The following NKAIN3 variants were observed in gnomAD, a reference collection of about 807,000 sequenced individuals.
NKAIN3 encodes sodium/potassium transporting ATPase interacting 3, also known as sodium/potassium-transporting ATPase subunit beta-1-interacting protein 3.
A neutral mutation model predicts 30.2 loss-of-function variants in NKAIN3; 25 were observed. The observed-to-expected ratio is 0.83, with a 90% CI of 0.60 to 1.16. The LOEUF is 1.16. Ranked by LOEUF, NKAIN3 falls within the 50% of genes most tolerant of loss-of-function variation. The pLI is 0.00. For missense variants in NKAIN3, 225 were observed against 254.1 expected, an observed-to-expected ratio of 0.89 and a Z score of 0.78; for synonymous variants, 91 against 89.6, an observed-to-expected ratio of 1.02 and a Z score of -0.09.
intron 3 of NKAIN3, among the ~76,000 whole-genome samples, chr8:62,679,482 A>G (rs1813584560): frequency 6.6e-6 from 1 of 152,176 alleles, no homozygotes; most frequent in African/African-American, 2.4e-5. Context: ...GTATTAGTCC[A>G]TTCTCGAACT....
chr8:62,736,884 A>G (rs548776831), intron 3 of NKAIN3, among the ~76,000 whole-genome samples: 5 of 152,148 alleles, frequency 3.3e-5, no homozygotes, highest in African/African-American at 7.2e-5. Flanking sequence ...GCTTCTCTCA[A>G]TGCTTCCTCT....
intron 4 of NKAIN3, among the ~76,000 whole-genome samples, chr8:62,763,072 C>G (rs965219709): frequency 6.0e-5 from 9 of 150,718 alleles, no homozygotes; most frequent in Admixed American, 6.0e-4. Flanking sequence ...AATACAAAAA[C>G]TAGCCGGGCA....
chr8:62,321,601 C>T (rs1814913384), intron 1 of NKAIN3, among the ~76,000 whole-genome samples: 1 of 152,238 alleles, frequency 6.6e-6, no homozygotes, highest in Admixed American at 6.5e-5. Context: ...CCACTCCAGA[C>T]CCTGTTTGCC....
downstream of NKAIN3, among the ~76,000 whole-genome samples, chr8:62,986,602 A>C (rs774491043): frequency 1.3e-5 from 2 of 152,162 alleles, no homozygotes; most frequent in African/African-American, 4.8e-5. Context: ...AGACTAGTAT[A>C]TATTATTTTT....
intron 4 of NKAIN3, chr8:62,863,549 C>T (rs1375731381): frequency 1.6e-6 from 2 of 1,212,882 alleles, no homozygotes; most frequent in African/African-American, 1.5e-5. Context: ...GAGATGGTGG[C>T]CAAGTACTCC....
intron 4 of NKAIN3, among the ~76,000 whole-genome samples, chr8:62,830,774 C>A (rs1819172501): frequency 6.6e-6 from 1 of 152,160 alleles, no homozygotes; most frequent in South Asian, 2.1e-4. Flanking sequence ...CCCCACCACC[C>A]ATGCAGAGAA....
chr8:62,626,115 C>T (rs1019835496), intron 3 of NKAIN3, among the ~76,000 whole-genome samples: 2 of 152,040 alleles, frequency 1.3e-5, no homozygotes, highest in East Asian at 1.9e-4. Flanking sequence ...TTTCTAAGCA[C>T]TCTCTCCTCA....
At chr8:62,249,199 G>C (rs889507193) in intron 1 of NKAIN3, 72 bp downstream of exon 1, 3 of 1,308,342 alleles carry the variant, frequency 2.3e-6, no homozygotes, top group Admixed American at 2.3e-5. Context: ...CTCCCTCTGC[G>C]GTTCCGCAGC....
intron 1 of NKAIN3, among the ~76,000 whole-genome samples, chr8:62,496,073 T>C (rs1807227933): frequency 6.6e-6 from 1 of 152,158 alleles, no homozygotes; most frequent in Non-Finnish European, 1.5e-5. Flanking sequence ...GTTAGATACT[T>C]TTATTAAGAT....
At chr8:62,401,095 A>G (rs146488252) in intron 1 of NKAIN3, among the ~76,000 whole-genome samples, 111 of 149,548 alleles carry the variant, frequency 7.4e-4, no homozygotes, top group Non-Finnish European at 3.3e-4. Context: ...TATCTTCCAG[A>G]TCTTGCATGC....
chr8:62,299,801 A>G (rs1238537803), intron 1 of NKAIN3, among the ~76,000 whole-genome samples: 1 of 152,160 alleles, frequency 6.6e-6, no homozygotes, highest in East Asian at 1.9e-4. Context: ...ACAATATGTG[A>G]ACACGGAAAG....
chr8:62,666,350 G>A (rs1311162609), intron 3 of NKAIN3, among the ~76,000 whole-genome samples: 1 of 152,094 alleles, frequency 6.6e-6, no homozygotes, highest in Non-Finnish European at 1.5e-5. Context: ...CTTTTTCAAA[G>A]TTTGATCAAC....
Position 62,953,933 on chromosome 8 carries a change from C to T in NKAIN3, c.564C>T (p.Ser188=). The T allele has an allele frequency of 2.0e-6, 2 of 981,260 alleles. No individual in the cohort carries two copies. Among genetic ancestry groups the T allele is most frequent in the Non-Finnish European group, 2.4e-6 (2 of 825,822 alleles). The allele number at this position is 981,260 out of a possible 1,614,324, so 60.8% of individuals were successfully genotyped here. A position where few individuals can be genotyped will look rare whatever the true frequency, so the allele number is the denominator to read the frequency against. The change falls in exon 6 of 7, where the codon TCC becomes TCT. Residue 188 remains serine, a synonymous_variant. Coordinates refer to ENST00000623646, the MANE Select transcript of NKAIN3 (RefSeq NM_001304533.3). ...FDFIGGLDTH[S]YYQDHVELKP... is the part of the protein sequence containing the mutation. ...TCATAGGTGGACTTGATACACACTCCTACTACCAGGATCATGTTGAGTTAA... is the reference window on the plus strand; with the variant it reads ...TCATAGGTGGACTTGATACACACTCTTACTACCAGGATCATGTTGAGTTAA...
chr8:62,656,631 A>T (rs1370214184), intron 3 of NKAIN3, among the ~76,000 whole-genome samples: 1 of 152,122 alleles, frequency 6.6e-6, no homozygotes, highest in Non-Finnish European at 1.5e-5. Context: ...CCAAAAACAT[A>T]CATTATTTTA....
At chr8:62,918,660 T>C (rs1586346320) in intron 5 of NKAIN3, 147 bp downstream of exon 5, 5 of 645,140 alleles carry the variant, frequency 7.8e-6, no homozygotes, top group Middle Eastern at 2.6e-4. Flanking sequence ...CAGTCAAAAG[T>C]TGACAGACTG....
chr8:62,827,812 T>A (rs1475099310), intron 4 of NKAIN3, among the ~76,000 whole-genome samples: 1 of 152,184 alleles, frequency 6.6e-6, no homozygotes, highest in African/African-American at 2.4e-5. Context: ...AACATTAAGT[T>A]AATAAGTACT....
At chr8:62,488,278 C>T (rs926531385) in intron 1 of NKAIN3, among the ~76,000 whole-genome samples, 8 of 152,120 alleles carry the variant, frequency 5.3e-5, no homozygotes, top group African/African-American at 1.9e-4. Flanking sequence ...CTCTGCTTTA[C>T]CTCAGTGTCA....
At chr8:62,724,990 T>C in intron 3 of NKAIN3, among the ~76,000 whole-genome samples, 1 of 152,134 alleles carries the variant, frequency 6.6e-6, no homozygotes, top group East Asian at 1.9e-4. Context: ...TAATTTGCAT[T>C]TCCACCAACA....
At chr8:62,712,531 T>G in intron 3 of NKAIN3, among the ~76,000 whole-genome samples, 1 of 152,118 alleles carries the variant, frequency 6.6e-6, no homozygotes, top group South Asian at 2.1e-4. Flanking sequence ...AAGCCAGCAA[T>G]CACAGGCCTC....
Sources: gnomAD v4.1 joint callset for allele counts (sites outside exome capture counted in the v4.1 genomes callset) on GRCh38, gnomAD v4.1.1 for gene constraint, MANE v1.5 for transcripts, NCBI Gene and HGNC (gene_info 2026-07-23, HGNC 2026-07-21) for gene names.